The following NSF variants were observed in gnomAD, a reference collection of about 807,000 sequenced individuals.
NSF encodes N-ethylmaleimide sensitive factor, vesicle fusing ATPase.
NSF carries 14 observed loss-of-function variants against 50.3 expected under a neutral mutation model. The observed-to-expected ratio is 0.28, with a 90% CI of 0.18 to 0.44. The LOEUF (loss-of-function observed/expected upper bound fraction) is 0.44. Among genes scored for constraint, NSF ranks in the 20% least tolerant of loss-of-function variants. The pLI is 1.00. For missense variants in NSF, 218 were observed against 504.3 expected (o/e 0.43, Z 5.44); for synonymous variants, 109 against 175.7 (o/e 0.62, Z 3.00).
At chr17:46,721,873 C>T (rs1348616401) in intron 15 of NSF, 3 of 1,586,228 alleles carry the variant, frequency 1.9e-6, no homozygotes, top group East Asian at 4.5e-5. Flanking sequence ...GCAGAATTCT[C>T]CTCTGAGCGA....
chr17:46,638,817 A>AT (rs1328969860), intron 5 of NSF, among the ~76,000 whole-genome samples: 4 of 55,272 alleles, frequency 7.2e-5, no homozygotes, highest in Admixed American at 2.4e-4. Flanking sequence ...CAAATGAGGA[A>AT]TTTAAGATCT....
chr17:46,755,830 A>G lies in NSF; in HGVS notation c.*7A>G. ...CCCCCTTGATTTTGATTGAAAATGAACTATTTGAAACACACAGTGACCAAG... is the reference window on the plus strand; with the variant it reads ...CCCCCTTGATTTTGATTGAAAATGAGCTATTTGAAACACACAGTGACCAAG... On this transcript the variant is annotated 3_prime_UTR_variant, in exon 21 of 21. Transcript: ENST00000398238. The G allele has an allele frequency of 6.2e-7, 1 of 1,611,806 alleles. No homozygotes were observed.
At chr17:46,722,228 C>A in intron 15 of NSF, 1 of 1,352,742 alleles carries the variant, frequency 7.4e-7, no homozygotes, top group African/African-American at 1.4e-5. Context: ...CTCGCGAGAG[C>A]ACGTCAAAAT....
At chr17:46,709,532 T>G (rs780374578) in intron 13 of NSF, among the ~76,000 whole-genome samples, 8 of 151,702 alleles carry the variant, frequency 5.3e-5, no homozygotes, top group Non-Finnish European at 5.9e-5. Context: ...TCTTGCTGTG[T>G]CTCCCAGGCT....
intron 17 of NSF, among the ~76,000 whole-genome samples, chr17:46,743,246 GA>G: frequency 6.6e-6 from 1 of 152,292 alleles, no homozygotes; most frequent in South Asian, 2.1e-4. Flanking sequence ...TTTTTGGGAA[GA>G]GAGGGATTTT....
intron 13 of NSF, among the ~76,000 whole-genome samples, chr17:46,707,468 C>T (rs768994633): frequency 3.3e-5 from 5 of 151,974 alleles, no homozygotes; most frequent in Non-Finnish European, 7.4e-5. Context: ...ATAATCATCA[C>T]CACCATCCAT....
intron 19 of NSF, among the ~76,000 whole-genome samples, chr17:46,754,437 A>G (rs2059214090): frequency 6.6e-6 from 1 of 152,208 alleles, no homozygotes; most frequent in Admixed American, 6.5e-5. Context: ...CCTGGAGGGC[A>G]GGGAGTTCCC....
chr17:46,718,611 C>A (rs1407349539), intron 15 of NSF, among the ~76,000 whole-genome samples: 2 of 152,144 alleles, frequency 1.3e-5, no homozygotes, highest in Non-Finnish European at 2.9e-5. Context: ...TTAGATTTTT[C>A]TTCACTAGAG....
intron 9 of NSF, among the ~76,000 whole-genome samples, chr17:46,678,527 T>C (rs1037665399): frequency 6.6e-6 from 1 of 150,840 alleles, no homozygotes; most frequent in Non-Finnish European, 1.5e-5. Flanking sequence ...TTTAAAGGTC[T>C]GGTGCGTGTA....
chr17:46,657,736 TG>T (rs1357982684), intron 8 of NSF, among the ~76,000 whole-genome samples: 1 of 87,312 alleles, frequency 1.1e-5, no homozygotes, highest in African/African-American at 4.9e-5. Context: ...TTTTTAATAT[TG>T]AGGTATTTGT....
intron 12 of NSF, among the ~76,000 whole-genome samples, chr17:46,703,680 CAAAAAAAAAAA>C: frequency 2.7e-5 from 1 of 37,726 alleles, no homozygotes; most frequent in East Asian, 8.6e-4. Flanking sequence ...GACTCCGTCT[CAAAAAAAAAAA>C]AAAAAAAAAA....
At chr17:46,739,530 A>G (rs1396092009) in intron 17 of NSF, among the ~76,000 whole-genome samples, 2 of 151,894 alleles carry the variant, frequency 1.3e-5, no homozygotes, top group Non-Finnish European at 2.9e-5. Flanking sequence ...CCAGAGTGAG[A>G]CCTTGTCTCG....
At chr17:46,631,157 A>G (rs143014641) in intron 4 of NSF, among the ~76,000 whole-genome samples, 16,909 of 136,772 alleles carry the variant, frequency 0.12, 15 homozygotes, top group Non-Finnish European at 0.18. Flanking sequence ...AATTTTTTCT[A>G]AGTTAGATGG....
At chr17:46,671,889 A>G (rs1568026848) in intron 8 of NSF, among the ~76,000 whole-genome samples, 1 of 141,758 alleles carries the variant, frequency 7.1e-6, no homozygotes, top group Admixed American at 7.2e-5. Context: ...TTGCAAATGT[A>G]TTTTTTTTTT....
chr17:46,734,463 A>G (rs1011899551), intron 17 of NSF, among the ~76,000 whole-genome samples: 9 of 152,110 alleles, frequency 5.9e-5, no homozygotes, highest in Middle Eastern at 3.5e-3. Flanking sequence ...GATACCTACT[A>G]TATTTATAAT....
At chr17:46,745,027 G>C (rs760469811) in intron 17 of NSF, among the ~76,000 whole-genome samples, 1 of 128,746 alleles carries the variant, frequency 7.8e-6, no homozygotes, top group African/African-American at 3.0e-5. Context: ...TTCCCAAATA[G>C]GTTATCACTC....
In NSF at chr17:46,710,956, T is replaced by G. The variant is rs528498272; in HGVS notation, c.1471-7T>G. ...TCAAAATGCTTTAGACTCCTTTTTCTTAATAGGCCTTTGGCACAAACCAAG... is the reference window on the plus strand; with the variant it reads ...TCAAAATGCTTTAGACTCCTTTTTCGTAATAGGCCTTTGGCACAAACCAAG... On this transcript the variant is annotated splice_polypyrimidine_tract_variant and splice_region_variant and intron_variant, in intron 13 of 20. Coordinates refer to ENST00000398238, the MANE Select transcript of NSF (RefSeq NM_006178.4). 1.2e-5 allele frequency: 19 copies of G among 1,580,528 alleles called. No homozygotes were observed. In the East Asian group the frequency reaches 3.9e-4, roughly 33 times the overall value.
At chr17:46,754,558 A>G (rs539192313) in intron 19 of NSF, among the ~76,000 whole-genome samples, 2 of 152,246 alleles carry the variant, frequency 1.3e-5, no homozygotes, top group Non-Finnish European at 2.9e-5. Flanking sequence ...TGTTTTCTAG[A>G]TAACTTCATA....
chr17:46,707,372 A>T (rs1361003079), intron 13 of NSF, among the ~76,000 whole-genome samples: 2 of 151,968 alleles, frequency 1.3e-5, no homozygotes, highest in East Asian at 1.9e-4. Context: ...TCAATTTTGT[A>T]TTGTGTTAAA....
Sources: allele counts gnomAD v4.1 joint callset (sites outside exome capture counted in the v4.1 genomes callset), GRCh38; gene constraint gnomAD v4.1.1; transcripts MANE v1.5; gene names NCBI Gene and HGNC (gene_info 2026-07-23, HGNC 2026-07-21).